The following SLC25A37 variants were observed in gnomAD, a reference collection of about 807,000 sequenced individuals.
The protein encoded by SLC25A37 is solute carrier family 25 member 37, also known as mitoferrin-1.
SLC25A37 carries 17 observed loss-of-function variants against 31.0 expected under a neutral mutation model. The ratio of observed to expected loss-of-function variants is 0.55; its 90% CI spans 0.38 to 0.82. The LOEUF (loss-of-function observed/expected upper bound fraction) is 0.82, where lower values mean the gene tolerates loss of function less well. SLC25A37 is among the 40% of genes least tolerant of loss of function. The pLI is 0.00. For synonymous variants in SLC25A37, 222 were observed against 193.0 expected, an observed-to-expected ratio of 1.15 and a Z score of -1.24; for missense variants, 404 against 465.8, an observed-to-expected ratio of 0.87 and a Z score of 1.22.
intron 3 of SLC25A37, among the ~76,000 whole-genome samples, chr8:23,569,425 A>ACACT (rs1406438789): frequency 6.8e-6 from 1 of 146,268 alleles, no homozygotes; most frequent in African/African-American, 2.5e-5. Flanking sequence ...ACACACACAC[A>ACACT]CACTCACTCT....
At chr8:23,537,750 G>C (rs1170950731) in intron 1 of SLC25A37, among the ~76,000 whole-genome samples, 1 of 152,318 alleles carries the variant, frequency 6.6e-6, no homozygotes, top group Middle Eastern at 3.4e-3. Context: ...CTGCGGGAGA[G>C]GTAAGTTTAG....
chr8:23,558,756 G>A (rs540177917), intron 1 of SLC25A37, among the ~76,000 whole-genome samples: 1 of 152,324 alleles, frequency 6.6e-6, no homozygotes, highest in East Asian at 1.9e-4. Context: ...GGGAGTGGCA[G>A]TGTCAGGCCA....
At chr8:23,542,376 A>ATTTTT (rs1801917022) in intron 1 of SLC25A37, among the ~76,000 whole-genome samples, 2 of 97,104 alleles carry the variant, frequency 2.1e-5, no homozygotes, top group South Asian at 3.4e-4. Flanking sequence ...GTGTACTCCT[A>ATTTTT]CTTTTTTTTT....
At chr8:23,543,549 T>C (rs1334011532) in intron 1 of SLC25A37, among the ~76,000 whole-genome samples, 1 of 152,156 alleles carries the variant, frequency 6.6e-6, no homozygotes, top group African/African-American at 2.4e-5. Context: ...CCATTCATGG[T>C]AAATGCCCTA....
intron 1 of SLC25A37, among the ~76,000 whole-genome samples, chr8:23,537,195 C>CCAAA (rs1554496554): frequency 3.4e-5 from 4 of 117,256 alleles, no homozygotes; most frequent in African/African-American, 1.4e-4. Flanking sequence ...GACCCTGTCT[C>CCAAA]AAAAAAAAAA....
rs564359229 is a variant in SLC25A37 at position 23,573,173 on chromosome 8, G to T, written c.*1318G>T. 8 of 152,546 alleles carry T rather than the reference G, an allele frequency of 5.2e-5. No individual in the cohort carries two copies. The highest frequency in any genetic ancestry group is 1.9e-4 in the African/African-American group (8 of 41,522). 9.4% of individuals were successfully genotyped at this position (152,546 alleles called of 1,614,324 possible). ...TATCTGCTAGGGCCCTGCGGCTGAG[G>T]TCTGACCTGGACCCTCATGCCCGAG... On this transcript the variant is annotated 3_prime_UTR_variant, in exon 4 of 4. Transcript: ENST00000519973.
Position 23,572,068 on chromosome 8 carries a change from G to C in SLC25A37, c.*213G>C. The C allele has an allele frequency of 1.8e-6, 1 of 548,874 alleles. No individual in the cohort carries two copies. The highest frequency in any genetic ancestry group is 3.2e-6 in the Non-Finnish European group (1 of 315,894). The allele number at this position is 548,874 out of a possible 1,614,324, so 34.0% of individuals were successfully genotyped here. On this transcript the variant is annotated 3_prime_UTR_variant, in exon 4 of 4. Transcript: ENST00000519973. ...AGGTGGTGGTGGACAGGAAGGACTT[G>C]GGAAGGGGAGCGAGAAATTGCTTTT... is the stretch of plus-strand genomic sequence containing the variant.
intron 3 of SLC25A37, among the ~76,000 whole-genome samples, chr8:23,570,136 G>A (rs1022602375): frequency 6.6e-6 from 1 of 152,134 alleles, no homozygotes; most frequent in Non-Finnish European, 1.5e-5. Flanking sequence ...CGATGGGCAG[G>A]TGAAGAAAAT....
intron 1 of SLC25A37, among the ~76,000 whole-genome samples, chr8:23,554,569 T>G (rs1280283958): frequency 6.6e-6 from 1 of 152,222 alleles, no homozygotes; most frequent in Non-Finnish European, 1.5e-5. Context: ...ATTCTGGGTG[T>G]GTTCTGGGTA....
Position 23,529,306 on chromosome 8 carries a change from C to T in SLC25A37, c.210+94C>T, listed in dbSNP as rs1227211432. Reference sequence around the variant, plus strand: ...CGCGCCGGCAGCCTCGGGGCAGCGTCCCGAAACCGAGCTCTCCCCAGGACC... The same window carrying T: ...CGCGCCGGCAGCCTCGGGGCAGCGTTCCGAAACCGAGCTCTCCCCAGGACC... On this transcript the variant is annotated intron_variant, in intron 1 of 3. Coordinates refer to ENST00000519973, the MANE Select transcript of SLC25A37 (RefSeq NM_016612.4). The surrounding 1 kb of genome is among the most constrained non-coding windows in gnomAD (Gnocchi z 4.1). 15 of 1,290,554 alleles carry T rather than the reference C, an allele frequency of 1.2e-5. No homozygotes were observed. The highest frequency in any genetic ancestry group is 1.6e-5 in the Non-Finnish European group (15 of 954,152). The allele number at this position is 1,290,554 out of a possible 1,614,324, so 79.9% of individuals were successfully genotyped here.
intron 1 of SLC25A37, among the ~76,000 whole-genome samples, chr8:23,547,027 T>TCTTGTTTTCTTATCC (rs1802087715): frequency 6.6e-6 from 1 of 152,204 alleles, no homozygotes. Context: ...GGATAAGAAC[T>TCTTGTTTTCTTATCC]CTTGTTTTCA....
At chr8:23,553,246 C>T (rs967778132) in intron 1 of SLC25A37, among the ~76,000 whole-genome samples, 2 of 151,960 alleles carry the variant, frequency 1.3e-5, no homozygotes, top group Non-Finnish European at 2.9e-5. Context: ...CATGGTGAAA[C>T]CCAGTCTCTA....
chr8:23,568,359 G>T lies in SLC25A37; in HGVS notation c.477G>T (p.Ala159=). The change falls in exon 3 of 4, where the codon GCG becomes GCT. Residue 159 remains alanine (A), a synonymous_variant. Coordinates refer to ENST00000519973, the MANE Select transcript of SLC25A37 (RefSeq NM_016612.4). ...AGSMATLLHD[A]VMNPAEVVKQ... The stretch of plus-strand genomic sequence containing the variant: ...GTATGGCCACCCTGCTCCACGATGC[G>T]GTAATGAATCCAGCAGAAGGTAATG... The T allele has an allele frequency of 4.3e-6, 7 of 1,613,862 alleles. No individual in the cohort carries two copies. The highest frequency in any genetic ancestry group is 5.9e-6 in the Non-Finnish European group (7 of 1,179,870).
chr8:23,535,904 G>A (rs1801757995), intron 1 of SLC25A37, among the ~76,000 whole-genome samples: 1 of 152,092 alleles, frequency 6.6e-6, no homozygotes, highest in Non-Finnish European at 1.5e-5. Flanking sequence ...CTCCCACTGG[G>A]TCCCTCCCAT....
chr8:23,546,562 A>AGTGTG (rs1563256143), intron 1 of SLC25A37, among the ~76,000 whole-genome samples: 1 of 93,410 alleles, frequency 1.1e-5, no homozygotes, highest in African/African-American at 5.9e-5. Flanking sequence ...TAGTGTATAT[A>AGTGTG]TATATATATA....
chr8:23,540,364 G>A (rs1411352322), intron 1 of SLC25A37, among the ~76,000 whole-genome samples: 2 of 152,192 alleles, frequency 1.3e-5, no homozygotes, highest in Non-Finnish European at 2.9e-5. Context: ...ATGAGAAAGG[G>A]CTGAGATTGA....
At chr8:23,538,864 T>G (rs536901236) in intron 1 of SLC25A37, among the ~76,000 whole-genome samples, 2 of 152,328 alleles carry the variant, frequency 1.3e-5, no homozygotes, top group East Asian at 3.9e-4. Context: ...TGCTGCCGTC[T>G]TGCAGGTCTA....
chr8:23,532,309 G>A (rs1477991083), intron 1 of SLC25A37, among the ~76,000 whole-genome samples: 1 of 152,210 alleles, frequency 6.6e-6, no homozygotes, highest in Non-Finnish European at 1.5e-5. Flanking sequence ...TACCCAGGGA[G>A]GGAGTATAGG....
intron 1 of SLC25A37, among the ~76,000 whole-genome samples, chr8:23,559,756 C>G (rs997106594): frequency 2.0e-5 from 3 of 152,202 alleles, no homozygotes; most frequent in African/African-American, 7.2e-5. Flanking sequence ...CAGTATTTGT[C>G]TTTTTGTGAC....
Sources: gnomAD v4.1 joint callset for allele counts (sites outside exome capture counted in the v4.1 genomes callset) on GRCh38, gnomAD v4.1.1 for gene constraint, Gnocchi (gnomAD v3.1) non-coding constraint, MANE v1.5 for transcripts, NCBI Gene and HGNC (gene_info 2026-07-23, HGNC 2026-07-21) for gene names.